Variants in RAD52 observed in about 807,000 individuals in gnomAD.
The protein encoded by RAD52 is DNA repair protein RAD52 homolog.
RAD52 carries 47 observed loss-of-function variants against 55.5 expected under a neutral mutation model. The observed-to-expected ratio is 0.85, with a 90% confidence interval of 0.67 to 1.08. RAD52 has a LOEUF of 1.08. Among genes scored for constraint, RAD52 ranks in the 50% least tolerant of loss-of-function variants. The pLI, the probability that RAD52 is intolerant of heterozygous loss-of-function variation, is 0.00. For synonymous variants in RAD52, 184 were observed against 198.9 expected, an observed-to-expected ratio of 0.92 and a Z score of 0.63; for missense variants, 468 against 522.8, an observed-to-expected ratio of 0.90 and a Z score of 1.02.
chr12:958,602 G>A (rs1293671599), intron 1 of RAD52, among the ~76,000 whole-genome samples: 1 of 152,214 alleles, frequency 6.6e-6, no homozygotes, highest in Non-Finnish European at 1.5e-5. Flanking sequence ...TGTGAAAGAA[G>A]AACATGCAGA....
At chr12:963,328 C>T (rs1274944894) in intron 1 of RAD52, among the ~76,000 whole-genome samples, 3 of 152,004 alleles carry the variant, frequency 2.0e-5, no homozygotes, top group African/African-American at 7.3e-5. Context: ...TTTATTAATC[C>T]ACTCCCATGT....
At chr12:916,862 TGCCCTCC>T (rs1956418357) in intron 7 of RAD52, 42 bp from the exon 8 acceptor site, 1 of 1,572,420 alleles carries the variant, frequency 6.4e-7, no homozygotes, top group African/African-American at 1.3e-5. Context: ...AACTGGCTCT[TGCCCTCC>T]GCTGCTTCTC....
At chr12:958,590 C>G (rs1454949009) in intron 1 of RAD52, among the ~76,000 whole-genome samples, 2 of 152,174 alleles carry the variant, frequency 1.3e-5, no homozygotes, top group Non-Finnish European at 2.9e-5. Flanking sequence ...CTGTTGAAGT[C>G]ATGTGAAAGA....
chr12:939,085 TAG>T (rs1555176186), intron 1 of RAD52, among the ~76,000 whole-genome samples: 5 of 144,650 alleles, frequency 3.5e-5, no homozygotes, highest in African/African-American at 5.2e-5. Context: ...TGTGTGTGTG[TAG>T]AGAGAGAGAA....
Position 922,205 on chromosome 12 carries a change from A to AAC in RAD52, c.543+3244_543+3245insGT, listed in dbSNP as rs1555170826. On this transcript the variant is annotated intron_variant, in intron 7 of 11. Coordinates refer to ENST00000358495, the MANE Select transcript of RAD52 (RefSeq NM_134424.4). ...TTAGGTTGGCTTAAAAAAAAAAAAA[A>AAC]AAAAAAAACCAAAAACTCAGAAAAT... Among the ~76,000 whole-genome samples, 49 of 150,362 alleles carry AAC rather than the reference A, an allele frequency of 3.3e-4. 1 individual carries two copies. The highest frequency in any genetic ancestry group is 8.0e-4 in the Admixed American group (12 of 15,094).
Position 913,908 on chromosome 12 carries a change from T to C in RAD52, c.1181A>G (p.Asp394Gly), listed in dbSNP as rs1956222132. The part of the protein sequence containing the change: ...GSWDLQTYSA[D>G]QRTTGNWESH... ...CTCTCTGCTACCTGTTGTGCGTTGG[T>C]CAGCGCTATAAGTTTGGAGGTCCCA... The change falls in exon 11 of 12, where the codon GAC becomes GGC. Residue 394 changes from aspartate (D) to glycine (G), a missense_variant. Transcript: ENST00000358495. 1 of 1,614,168 alleles carries C rather than the reference T, an allele frequency of 6.2e-7. No individual in the cohort carries two copies. Among genetic ancestry groups the C allele is most frequent in the African/African-American group, 1.3e-5 (1 of 75,048 alleles).
rs1383162097 is a variant in RAD52 at position 912,340 on chromosome 12, G to C, written c.*1051C>G. ...AAACCCAGCCCTCTTCAGCTGCAGT[G>C]TATCTTCTTATACAAAAACTCTGTT... is the stretch of plus-strand genomic sequence containing the variant. On this transcript the variant is annotated 3_prime_UTR_variant, in exon 12 of 12. Transcript: ENST00000358495. 2 of 201,790 alleles carry C rather than the reference G, an allele frequency of 9.9e-6. No individual in the cohort carries two copies. The highest frequency in any genetic ancestry group is 6.0e-5 in the Admixed American group (1 of 16,658). The allele number at this position is 201,790 out of a possible 1,614,324, so 12.5% of individuals were successfully genotyped here. A position where few individuals can be genotyped will look rare whatever the true frequency, so the allele number is the denominator to read the frequency against.
chr12:951,497 C>G (rs1426480704), upstream of RAD52, among the ~76,000 whole-genome samples: 1 of 152,174 alleles, frequency 6.6e-6, no homozygotes, highest in African/African-American at 2.4e-5. Flanking sequence ...ATAGTAACCC[C>G]TTATTGGATA....
intron 5 of RAD52, 93 bp from the exon 6 acceptor site, chr12:927,356 C>G (rs539461550): frequency 1.1e-6 from 1 of 928,610 alleles, no homozygotes; most frequent in South Asian, 1.4e-5. Flanking sequence ...CAAAGCCGGA[C>G]TCTCCCACCT....
intron 8 of RAD52, 78 bp from the exon 9 acceptor site, chr12:916,561 G>C: frequency 6.3e-7 from 1 of 1,599,890 alleles, no homozygotes; most frequent in Non-Finnish European, 8.5e-7. Context: ...CGGCTGGCTG[G>C]CTCTGGAGGC....
intron 1 of RAD52, among the ~76,000 whole-genome samples, chr12:966,588 T>C (rs371006969): frequency 1.3e-3 from 195 of 152,192 alleles, no homozygotes; most frequent in Admixed American, 4.1e-3. Flanking sequence ...CTTTTTTTTT[T>C]CCATTCCTGA....
upstream of RAD52, among the ~76,000 whole-genome samples, chr12:952,986 AG>A (rs1303138044): frequency 3.9e-3 from 1 of 258 alleles, no homozygotes; most frequent in African/African-American, 0.017. Context: ...AAGGGAGGGG[AG>A]GGGGGAGAGG....
chr12:927,235 T>A lies in RAD52; in HGVS notation c.377A>T (p.Tyr126Phe). ...GGACTTGAGGCCCTCACTAACACCA[T>A]AACCAACATCTTCATGATATGAACC... ...KDGSYHEDVG[Y>F]GVSEGLKSKA... Residue 126 changes from tyrosine (Y) to phenylalanine (F), a missense_variant, in exon 6 of 12, where the codon TAT becomes TTT. Coordinates refer to ENST00000358495, the MANE Select transcript of RAD52 (RefSeq NM_134424.4). 6.2e-7 allele frequency: 1 copy of A among 1,613,848 alleles called. No homozygotes were observed. The highest frequency in any genetic ancestry group is 8.5e-7 in the Non-Finnish European group (1 of 1,179,946).
chr12:916,728 C>T lies in RAD52; in HGVS notation c.636G>A (p.Met212Ile), dbSNP rs770804639. Residue 212 changes from methionine (M) to isoleucine (I), a missense_variant, in exon 8 of 12, where the codon ATG (methionine) becomes ATA (isoleucine). Physicochemically the swap from Met to Ile is conservative, Grantham distance 10 (BLOSUM62 1). Transcript: ENST00000358495. ...EARYNSCRPN[M>I]ALGHPQLQQV... is the part of the protein sequence containing the mutation. ...GCTGCAGCTGTGGGTGTCCCAGGGC[C>T]ATGTTCGGTCGGCAGCTGTTGTATC... 8.7e-6 allele frequency: 14 copies of T among 1,614,068 alleles called. No individual in the cohort carries two copies. The highest frequency in any genetic ancestry group is 7.6e-6 in the Non-Finnish European group (9 of 1,180,030).
chr12:945,228 GTAA>G (rs1312012269), intron 1 of RAD52, among the ~76,000 whole-genome samples: 1 of 151,768 alleles, frequency 6.6e-6, no homozygotes, highest in Non-Finnish European at 1.5e-5. Context: ...GCAGGTGCCT[GTAA>G]TCTCAGCTCC....
intron 1 of RAD52, among the ~76,000 whole-genome samples, chr12:971,916 T>C (rs1958862939): frequency 6.6e-6 from 1 of 152,128 alleles, no homozygotes; most frequent in South Asian, 2.1e-4. Flanking sequence ...GGCTGGCTAA[T>C]TTTTTGTATT....
At chr12:919,420 CAA>C (rs754914405) in intron 7 of RAD52, among the ~76,000 whole-genome samples, 2 of 151,522 alleles carry the variant, frequency 1.3e-5, no homozygotes, top group Non-Finnish European at 2.9e-5. Context: ...GCCTCGGTGA[CAA>C]GAGTGAAATT....
At chr12:927,439 G>A (rs1283816089) in intron 5 of RAD52, among the ~76,000 whole-genome samples, 176 bp from the exon 6 acceptor site, 1 of 152,094 alleles carries the variant, frequency 6.6e-6, no homozygotes, top group African/African-American at 2.4e-5. Flanking sequence ...CCTAGACCTG[G>A]GCTGCCTGGA....
At chr12:990,505 C>T (rs1959170990), upstream of RAD52, 1 of 152,248 alleles carries the variant, frequency 6.6e-6, no homozygotes, top group Non-Finnish European at 1.5e-5. Flanking sequence ...TGGCACAGCG[C>T]AGGGTCGGAA....
Sources: gnomAD v4.1 joint callset for allele counts (sites outside exome capture counted in the v4.1 genomes callset) on GRCh38, gnomAD v4.1.1 for gene constraint, MANE v1.5 for transcripts, NCBI Gene and HGNC (gene_info 2026-07-23, HGNC 2026-07-21) for gene names.